Variants in KANSL2 observed in about 807,000 individuals in gnomAD.
KANSL2 encodes the protein KAT8 regulatory NSL complex subunit 2.
In KANSL2, 34 loss-of-function variants were observed where a neutral mutation model predicts 55.6. That is an observed-to-expected ratio of 0.61 (90% CI 0.46 to 0.81). The LOEUF is 0.81. Ranked by LOEUF, KANSL2 falls within the 40% of genes least tolerant of loss-of-function variation. KANSL2 has a pLI of 0.00. For synonymous variants in KANSL2, 209 were observed against 214.3 expected, an observed-to-expected ratio of 0.98 and a Z score of 0.22; for missense variants, 502 against 609.9, an observed-to-expected ratio of 0.82 and a Z score of 1.86.
chr12:48,657,567 T>C (rs184799029), intron 8 of KANSL2, among the ~76,000 whole-genome samples: 103 of 152,276 alleles, frequency 6.8e-4, no homozygotes, highest in Admixed American at 1.2e-3. Context: ...ATTAAGACTA[T>C]AAATCTGTTT....
intron 7 of KANSL2, among the ~76,000 whole-genome samples, chr12:48,666,992 C>A (rs1939613455): frequency 6.6e-6 from 1 of 152,082 alleles, no homozygotes; most frequent in Non-Finnish European, 1.5e-5. Flanking sequence ...ACCAGCCTGG[C>A]CAACATGGTG....
intron 4 of KANSL2, among the ~76,000 whole-genome samples, chr12:48,676,347 C>G (rs1939820813): frequency 6.6e-6 from 1 of 152,096 alleles, no homozygotes; most frequent in Admixed American, 6.5e-5. Flanking sequence ...CTCAAGCAAT[C>G]CTCCCACCTC....
chr12:48,672,433 A>ATATTTTT (rs371918890), intron 4 of KANSL2, among the ~76,000 whole-genome samples: 2 of 120,384 alleles, frequency 1.7e-5, no homozygotes, highest in Admixed American at 8.6e-5. Context: ...ATATATATAT[A>ATATTTTT]TTTTTTTTTT....
chr12:48,670,198 CAA>C (rs55764309), intron 5 of KANSL2, among the ~76,000 whole-genome samples: 5 of 103,584 alleles, frequency 4.8e-5, no homozygotes, highest in African/African-American at 3.7e-5. Flanking sequence ...GACTATATCA[CAA>C]AAAAAAAAAA....
intron 7 of KANSL2, among the ~76,000 whole-genome samples, chr12:48,666,429 A>G (rs1278442471): frequency 2.0e-5 from 3 of 151,836 alleles, no homozygotes; most frequent in African/African-American, 7.3e-5. Flanking sequence ...GCAGTGGCTC[A>G]TGCCTGTAAT....
chr12:48,677,540 G>C (rs537541240), intron 4 of KANSL2, among the ~76,000 whole-genome samples: 2 of 152,218 alleles, frequency 1.3e-5, no homozygotes, highest in Admixed American at 1.3e-4. Context: ...CCAGCACTTT[G>C]GGAGGCCGAG....
At chr12:48,680,924 A>G (rs1939911537) in intron 2 of KANSL2, among the ~76,000 whole-genome samples, 1 of 151,670 alleles carries the variant, frequency 6.6e-6, no homozygotes, top group Admixed American at 6.6e-5. Flanking sequence ...GTGAGCCGAG[A>G]TCTCCACTGC....
At position 48,657,999 on chromosome 12, in the gene KANSL2, G is replaced by C. The variant is rs1358044614; in HGVS notation, c.1227+2367C>G. On this transcript the variant is annotated intron_variant, in intron 8 of 9. Transcript: ENST00000420613. ...TAATCCTAGCACTTTGGGAGGCCAA[G>C]GTGGGCGAAACACTTGAGGCCAGGA... Among the ~76,000 whole-genome samples the C allele has an allele frequency of 2.6e-5, 4 of 152,168 alleles. No individual in the cohort carries two copies. The East Asian group carries it at 7.8e-4, about 30-fold the overall frequency.
intron 7 of KANSL2, among the ~76,000 whole-genome samples, chr12:48,663,359 ACT>A (rs1259323572): frequency 6.6e-6 from 1 of 152,240 alleles, no homozygotes; most frequent in African/African-American, 2.4e-5. Context: ...TTTGAAATTC[ACT>A]GACTCATTTT....
At chr12:48,677,931 G>A (rs1319276122) in intron 4 of KANSL2, among the ~76,000 whole-genome samples, 2 of 151,896 alleles carry the variant, frequency 1.3e-5, no homozygotes, top group Non-Finnish European at 2.9e-5. Context: ...GTTGACCACA[G>A]TGAGATTACT....
In KANSL2 at chr12:48,660,488, G is replaced by A; in HGVS notation, c.1105C>T (p.Gln369Ter). 6.2e-7 allele frequency: 1 copy of A among 1,613,898 alleles called. No individual in the cohort carries two copies. Among genetic ancestry groups the A allele is most frequent in the Non-Finnish European group, 8.5e-7 (1 of 1,179,856 alleles). ...AGTACCTGCTCGGGCTTATACATCT[G>A]AGGAGGCAACTGGAAATGCAGTGGG... ...CCPLHFQLPP[Q>*]MYKPEQVLSV... Residue 369 changes from glutamine to a stop codon, truncating the protein, a stop_gained, in exon 8 of 10, where the codon CAG (glutamine) becomes TAG (stop). Coordinates refer to ENST00000420613, the MANE Select transcript of KANSL2 (RefSeq NM_017822.4). LOFTEE classifies it high-confidence loss of function.
At position 48,667,607 on chromosome 12, in the gene KANSL2, C is replaced by T. The variant is rs554634406; in HGVS notation, c.973+86G>A. 7.3e-6 allele frequency: 8 copies of T among 1,091,596 alleles called. No individual in the cohort carries two copies. The African/African-American group carries it at 1.2e-4, about 17-fold the overall frequency. The allele number at this position is 1,091,596 out of a possible 1,614,324, so 67.6% of individuals were successfully genotyped here. On this transcript the variant is annotated intron_variant, in intron 7 of 9. Coordinates refer to ENST00000420613, the MANE Select transcript of KANSL2 (RefSeq NM_017822.4). ...ATTCAGGGCCAAAGGAAAACAAAAT[C>T]CTTCAATTAAGCAAACTAGCACAGA...
At chr12:48,658,831 G>C (rs977981853) in intron 8 of KANSL2, among the ~76,000 whole-genome samples, 1 of 152,108 alleles carries the variant, frequency 6.6e-6, no homozygotes, top group Non-Finnish European at 1.5e-5. Flanking sequence ...GAGAATGAGA[G>C]AGAAGGAACT....
chr12:48,661,511 T>C (rs1193797111), intron 7 of KANSL2, among the ~76,000 whole-genome samples: 1 of 152,222 alleles, frequency 6.6e-6, no homozygotes, highest in East Asian at 1.9e-4. Flanking sequence ...CCTAGATTAA[T>C]AAACATTATT....
At chr12:48,668,865 C>T (rs1939652019) in intron 6 of KANSL2, among the ~76,000 whole-genome samples, 1 of 151,980 alleles carries the variant, frequency 6.6e-6, no homozygotes, top group Admixed American at 6.6e-5. Context: ...CATAGTGAAA[C>T]CCCAAAAAAT....
chr12:48,658,821 G>C (rs1341351966), intron 8 of KANSL2: 1 of 152,194 alleles, frequency 6.6e-6, no homozygotes, highest in African/African-American at 2.4e-5. Flanking sequence ...ACCAGCAATA[G>C]AGAATGAGAG....
intron 7 of KANSL2, 106 bp downstream of exon 7, chr12:48,667,587 G>A (rs1289754736): frequency 1.1e-6 from 1 of 907,360 alleles, no homozygotes; most frequent in Non-Finnish European, 1.8e-6. Context: ...CCTTGATTCA[G>A]GGCCAAAGGA....
At chr12:48,674,192 C>T (rs1939779842) in intron 4 of KANSL2, among the ~76,000 whole-genome samples, 1 of 152,186 alleles carries the variant, frequency 6.6e-6, no homozygotes, top group Admixed American at 6.5e-5. Flanking sequence ...CCAGGCTGCA[C>T]TGAAGTGGCA....
intron 4 of KANSL2, among the ~76,000 whole-genome samples, chr12:48,672,673 G>A (rs1404033144): frequency 1.3e-5 from 2 of 151,482 alleles, no homozygotes; most frequent in Non-Finnish European, 2.9e-5. Context: ...CGATGCTCCC[G>A]CCTCAGCCTC....
Sources: allele counts gnomAD v4.1 joint callset (sites outside exome capture counted in the v4.1 genomes callset), GRCh38; gene constraint gnomAD v4.1.1; transcripts MANE v1.5; gene names NCBI Gene and HGNC (gene_info 2026-07-23, HGNC 2026-07-21).